ADGRE5: variants seen among roughly 807,000 people sequenced by gnomAD.
ADGRE5 encodes CD97 molecule.
Under a neutral mutation model 100.3 loss-of-function variants are expected in ADGRE5, and 72 were observed. The observed-to-expected ratio is 0.72, with a 90% confidence interval of 0.59 to 0.87. The LOEUF is 0.87. Ranked by LOEUF, ADGRE5 falls within the 40% of genes least tolerant of loss-of-function variation. The pLI is 0.00. For missense variants in ADGRE5, 959 were observed against 1,094.7 expected (o/e 0.88, Z 1.75); for synonymous variants, 439 against 447.8 (o/e 0.98, Z 0.25).
At chr19:14,386,303 C>T (rs1410159956) in intron 1 of ADGRE5, among the ~76,000 whole-genome samples, 3 of 139,108 alleles carry the variant, frequency 2.2e-5, no homozygotes, top group Non-Finnish European at 4.5e-5. Flanking sequence ...GGCGTGAACC[C>T]GGGAGGTGGA....
At chr19:14,402,002 G>T (rs1400274708) in intron 11 of ADGRE5, among the ~76,000 whole-genome samples, 2 of 152,208 alleles carry the variant, frequency 1.3e-5, no homozygotes, top group South Asian at 4.1e-4. Flanking sequence ...GTGGTGGCAC[G>T]TGCCTGTAGT....
intron 9 of ADGRE5, among the ~76,000 whole-genome samples, chr19:14,398,605 G>A (rs1975880212): frequency 6.6e-6 from 1 of 150,522 alleles, no homozygotes; most frequent in Admixed American, 6.7e-5. Flanking sequence ...AACCTGGGAG[G>A]TGGAGCTTGC....
At chr19:14,407,670 T>C (rs1478586735) in intron 18 of ADGRE5, among the ~76,000 whole-genome samples, 2 of 145,692 alleles carry the variant, frequency 1.4e-5, no homozygotes, top group Non-Finnish European at 3.0e-5. Context: ...GTGTGCTGAA[T>C]ACCCATCTCA....
chr19:14,400,050 C>T lies in ADGRE5; in HGVS notation c.898-1336C>T, dbSNP rs1322514605. On this transcript the variant is annotated intron_variant, in intron 9 of 19. Transcript: ENST00000242786. The stretch of plus-strand genomic sequence containing the variant: ...TTTTCTTTTTTGTGAGACGGAGTCT[C>T]GCTCTGTCGCCCAGGCCGGAGTGCA... Among the ~76,000 whole-genome samples the T allele has an allele frequency of 3.3e-5, 5 of 150,812 alleles. No individual in the cohort carries two copies. In the South Asian group the frequency reaches 6.3e-4, roughly 19 times the overall value.
rs543167147 is a variant in ADGRE5, at chr19:14,406,211, A to G, written c.1822-120A>G. The G allele has an allele frequency of 3.3e-4, 280 of 841,110 alleles. 6 individuals are homozygous for G. The South Asian group carries it at 4.2e-3, about 12-fold the overall frequency. 52.1% of individuals were successfully genotyped at this position (841,110 alleles called of 1,614,324 possible). ...GGGGGAAACCTGGCCCCCGCTCCAGACCCGCCCACCCTCCGGCTGTGGTCC... is the reference window on the plus strand; with the variant it reads ...GGGGGAAACCTGGCCCCCGCTCCAGGCCCGCCCACCCTCCGGCTGTGGTCC... On this transcript the variant is annotated intron_variant, in intron 14 of 19. Transcript: ENST00000242786. This position sits in a 1 kb window ranked among gnomAD's most constrained non-coding sequence, Gnocchi z 6.0.
intron 9 of ADGRE5, among the ~76,000 whole-genome samples, chr19:14,400,840 A>G (rs1975980483): frequency 6.6e-6 from 1 of 152,278 alleles, no homozygotes; most frequent in South Asian, 2.1e-4. Flanking sequence ...TAATAGATCC[A>G]ACGTATTAAC....
chr19:14,406,937 C>T lies in ADGRE5; in HGVS notation c.2184C>T (p.Asp728=). 1.2e-6 allele frequency: 2 copies of T among 1,614,086 alleles called. No homozygotes were observed. The highest frequency in any genetic ancestry group is 1.7e-5 in the Admixed American group (1 of 60,018). ...LTQKFSEINP[D]MKKLKKARAL... ...AGAAGTTTTCTGAAATCAATCCAGA[C>T]ATGAAGAAATTAAAGAAGGCGAGGT... Residue 728 remains aspartate (D), a synonymous_variant, in exon 17 of 20, where the codon GAC becomes GAT. Coordinates refer to ENST00000242786, the MANE Select transcript of ADGRE5 (RefSeq NM_078481.4). The surrounding 1 kb of genome is among the most constrained non-coding windows in gnomAD (Gnocchi z 6.0).
chr19:14,406,423 C>A lies in ADGRE5; in HGVS notation c.1914C>A (p.Tyr638Ter). 6.3e-7 allele frequency: 1 copy of A among 1,590,728 alleles called. No homozygotes were observed. The highest frequency in any genetic ancestry group is 2.3e-5 in the East Asian group (1 of 43,736). Reference protein sequence around the residue: ...CWMSLEGLELYFLVVRVFQGQ... With the variant: ...CWMSLEGLEL Reference sequence around the variant, plus strand: ...TGAGCCTCGAAGGCCTGGAGCTCTACTTTCTTGTGGTGCGCGTGTTCCAAG... The same window carrying A: ...TGAGCCTCGAAGGCCTGGAGCTCTAATTTCTTGTGGTGCGCGTGTTCCAAG... Residue 638 changes from tyrosine to a stop codon, truncating the protein, a stop_gained, in exon 15 of 20, where the codon TAC becomes TAA. Coordinates refer to ENST00000242786, the MANE Select transcript of ADGRE5 (RefSeq NM_078481.4). LOFTEE classifies it high-confidence loss of function. This position sits in a 1 kb window ranked among gnomAD's most constrained non-coding sequence, Gnocchi z 6.0.
chr19:14,393,129 A>AGAAT (rs1975658199), intron 4 of ADGRE5, among the ~76,000 whole-genome samples: 2 of 151,336 alleles, frequency 1.3e-5, no homozygotes, highest in Admixed American at 1.3e-4. Context: ...TGAACCCGGG[A>AGAAT]GGCGGAGGTT....
chr19:14,391,979 CCCAGCTA>C (rs1975616545), intron 4 of ADGRE5, among the ~76,000 whole-genome samples: 1 of 151,362 alleles, frequency 6.6e-6, no homozygotes, highest in African/African-American at 2.4e-5. Context: ...CGCCTGTAAT[CCCAGCTA>C]CCAGCTACTC....
chr19:14,395,269 C>G (rs1975733034), intron 4 of ADGRE5, among the ~76,000 whole-genome samples: 1 of 150,986 alleles, frequency 6.6e-6, no homozygotes. Context: ...TCATTGCACT[C>G]CAGCCTGGGC....
At chr19:14,400,808 AAAGTT>A (rs754727232) in intron 9 of ADGRE5, among the ~76,000 whole-genome samples, 2 of 152,088 alleles carry the variant, frequency 1.3e-5, no homozygotes, top group Non-Finnish European at 2.9e-5. Flanking sequence ...ATAAATAAAT[AAAGTT>A]AAGATTGCAT....
chr19:14,388,422 C>A (rs1282201801), intron 1 of ADGRE5, 28 bp from the exon 2 acceptor site: 1 of 1,536,448 alleles, frequency 6.5e-7, no homozygotes, highest in East Asian at 2.3e-5. Flanking sequence ...GGGATCCCCT[C>A]TGACCCCCTT....
At position 14,407,861 on chromosome 19, in the gene ADGRE5, T is replaced by C. The variant is rs375782489; in HGVS notation, c.2377-47T>C. ...GGCAGAGCATGGGGAGGAGCGTGCA[T>C]GGTCCCAGGGCCTGCTCCTGCCCTG... On this transcript the variant is annotated intron_variant, in intron 18 of 19. Transcript: ENST00000242786. 5.9e-6 allele frequency: 9 copies of C among 1,513,092 alleles called. No individual in the cohort carries two copies. In the East Asian group the frequency reaches 1.6e-4, roughly 27 times the overall value. 93.7% of individuals were successfully genotyped at this position (1,513,092 alleles called of 1,614,324 possible).
Position 14,401,564 on chromosome 19 carries a change from G to A in ADGRE5, c.1075+1G>A, listed in dbSNP as rs1976012223. 1.2e-6 allele frequency: 2 copies of A among 1,613,774 alleles called. No homozygotes were observed. Among genetic ancestry groups the A allele is most frequent in the Middle Eastern group, 1.6e-4 (1 of 6,082 alleles). ...ACCTACATTTCCCCTTCGAACACAGGTGAGGCCTTGGCCTGGCCTGCCCTG... is the reference window on the plus strand; with the variant it reads ...ACCTACATTTCCCCTTCGAACACAGATGAGGCCTTGGCCTGGCCTGCCCTG... On this transcript the variant is annotated splice_donor_variant, in intron 10 of 19. Transcript: ENST00000242786. LOFTEE classifies it high-confidence loss of function. The surrounding 1 kb of genome is among the most constrained non-coding windows in gnomAD (Gnocchi z 4.1).
chr19:14,390,008 G>A (rs1180240066), intron 3 of ADGRE5, among the ~76,000 whole-genome samples: 1 of 151,858 alleles, frequency 6.6e-6, no homozygotes, highest in Admixed American at 6.6e-5. Context: ...CCCGGGAGGC[G>A]GAAGTTGCAG....
chr19:14,392,610 A>G (rs1003595007), intron 4 of ADGRE5, among the ~76,000 whole-genome samples: 10 of 152,196 alleles, frequency 6.6e-5, no homozygotes, highest in African/African-American at 2.2e-4. Context: ...TACCTACAAA[A>G]GTATTTAACA....
Position 14,408,117 on chromosome 19 carries a change from T to C in ADGRE5, c.2504T>C (p.Ile835Thr), listed in dbSNP as rs755341316. The C allele has an allele frequency of 1.9e-6, 3 of 1,613,212 alleles. No individual in the cohort carries two copies. In the Admixed American group the frequency reaches 5.0e-5, roughly 27 times the overall value. ...TRALRASESGI is the reference protein window; with the variant it reads ...TRALRASESGT Reference sequence around the variant, plus strand: ...GCCCTCAGGGCATCAGAGTCCGGCATATGAAGGCGCATGGTTCTGGACGGC... The same window carrying C: ...GCCCTCAGGGCATCAGAGTCCGGCACATGAAGGCGCATGGTTCTGGACGGC... The change falls in exon 20 of 20, where the codon ATA (isoleucine) becomes ACA (threonine). Residue 835 changes from isoleucine to threonine, a missense_variant. This residue lies in a region of ADGRE5 where 428 missense variants were observed against 386.2 expected (regional missense o/e 1.11). Transcript: ENST00000242786.
chr19:14,397,065 C>T lies in ADGRE5; in HGVS notation c.479-12C>T, dbSNP rs201260178. ...TCAGGGACAGGGTTTGACCCTCTGG[C>T]TTTGTCCTCAGATGTGAATGAATGC... On this transcript the variant is annotated splice_polypyrimidine_tract_variant and intron_variant, in intron 5 of 19. Coordinates refer to ENST00000242786, the MANE Select transcript of ADGRE5 (RefSeq NM_078481.4). 33 of 1,611,224 alleles carry T rather than the reference C, an allele frequency of 2.0e-5. No homozygotes were observed. Among genetic ancestry groups the T allele is most frequent in the Non-Finnish European group, 2.4e-5 (28 of 1,178,788 alleles).
Sources: gnomAD v4.1 joint callset for allele counts (sites outside exome capture counted in the v4.1 genomes callset) on GRCh38, gnomAD v4.1.1 for gene constraint, gnomAD v4.1.1 regional missense constraint, Gnocchi (gnomAD v3.1) non-coding constraint, MANE v1.5 for transcripts, NCBI Gene and HGNC (gene_info 2026-07-23, HGNC 2026-07-21) for gene names.